SPTAN1: variants seen among roughly 807,000 people sequenced by gnomAD.
The protein encoded by SPTAN1 is spectrin alpha, non-erythrocytic 1.
In SPTAN1, 61 loss-of-function variants were observed where a neutral mutation model predicts 331.3. The observed-to-expected ratio is 0.18, with a 90% CI of 0.15 to 0.23. SPTAN1 has a LOEUF of 0.23. SPTAN1 is among the 10% of genes least tolerant of loss of function. The pLI, the probability that SPTAN1 is intolerant of heterozygous loss-of-function variation, is 1.00. For missense variants in SPTAN1, 2,043 were observed against 3,147.9 expected (o/e 0.65, Z 8.40); for synonymous variants, 1,153 against 1,173.9 (o/e 0.98, Z 0.36).
At chr9:128,587,746 C>T in intron 20 of SPTAN1, 48 bp downstream of exon 20, 1 of 1,521,784 alleles carries the variant, frequency 6.6e-7, no homozygotes, top group Non-Finnish European at 9.1e-7. Context: ...CCTTGAAGGA[C>T]TCAGATACTG....
intron 51 of SPTAN1, chr9:128,628,568 C>G (rs1447913790): frequency 4.8e-6 from 1 of 207,292 alleles, no homozygotes; most frequent in African/African-American, 2.3e-5. Context: ...CCCGCCCAGT[C>G]CCGGCAGGGA....
intron 24 of SPTAN1, among the ~76,000 whole-genome samples, chr9:128,596,829 T>C (rs1854365535): frequency 6.6e-6 from 1 of 152,188 alleles, no homozygotes; most frequent in Admixed American, 6.5e-5. Flanking sequence ...TGGCTGGGAC[T>C]ATGCACATAG....
intron 22 of SPTAN1, among the ~76,000 whole-genome samples, chr9:128,591,970 A>G (rs1383108724): frequency 6.6e-6 from 1 of 152,148 alleles, no homozygotes; most frequent in Admixed American, 6.5e-5. Flanking sequence ...CTGCTTTCAG[A>G]GCTTCTCTGT....
At position 128,630,333 on chromosome 9, in the gene SPTAN1, G is replaced by A. The variant is rs1564325660; in HGVS notation, c.6720G>A (p.Val2240=). ...RTYLLDGSCM[V]EESGTLESQL... is the part of the protein sequence containing the mutation. ...CTTCCACGTTTAGGTCCTGTATGGTGGAAGAGTCGGGGACCCTCGAATCCC... is the reference window on the plus strand; with the variant it reads ...CTTCCACGTTTAGGTCCTGTATGGTAGAAGAGTCGGGGACCCTCGAATCCC... The change falls in exon 52 of 57, where the codon GTG becomes GTA. Residue 2240 remains valine (V), a synonymous_variant. Transcript: ENST00000372739. 5 of 1,613,154 alleles carry A rather than the reference G, an allele frequency of 3.1e-6. No individual in the cohort carries two copies. Among genetic ancestry groups the A allele is most frequent in the Non-Finnish European group, 4.2e-6 (5 of 1,180,010 alleles).
chr9:128,559,492 G>A (rs1849036190), intron 1 of SPTAN1, among the ~76,000 whole-genome samples: 3 of 152,176 alleles, frequency 2.0e-5, no homozygotes, highest in African/African-American at 7.2e-5. Flanking sequence ...CCATACACTC[G>A]AATCCTGGAG....
chr9:128,563,026 A>G (rs1404619869), intron 1 of SPTAN1, among the ~76,000 whole-genome samples: 1 of 141,868 alleles, frequency 7.0e-6, no homozygotes, highest in African/African-American at 2.6e-5. Flanking sequence ...ATATATATAT[A>G]TGTATATATT....
intron 52 of SPTAN1, 153 bp from the exon 53 acceptor site, chr9:128,631,974 C>A (rs1338689207): frequency 5.4e-6 from 4 of 738,070 alleles, no homozygotes; most frequent in African/African-American, 1.8e-5. Flanking sequence ...TCTTCAGCTT[C>A]ACCCCATCCC....
intron 46 of SPTAN1, 156 bp downstream of exon 46, chr9:128,624,643 G>A (rs1177037497): frequency 1.0e-6 from 1 of 975,122 alleles, no homozygotes; most frequent in Non-Finnish European, 1.5e-6. Flanking sequence ...CAGCTAGGAG[G>A]AGACAGTGTC....
chr9:128,584,075 T>A lies in SPTAN1; in HGVS notation c.2193+106T>A, dbSNP rs1852269595. ...AATGAATTTTGGGAGGGATGAAATG[T>A]GTTGATTTTCTTAGATCGCTCTGTG... On this transcript the variant is annotated intron_variant, in intron 16 of 56. Transcript: ENST00000372739. 13 of 1,508,328 alleles carry A rather than the reference T, an allele frequency of 8.6e-6. No homozygotes were observed. The Admixed American group carries it at 2.3e-4, about 27-fold the overall frequency. The allele number at this position is 1,508,328 out of a possible 1,614,324, so 93.4% of individuals were successfully genotyped here.
At chr9:128,633,123 AG>A in intron 56 of SPTAN1, 85 bp from the exon 57 acceptor site, 1 of 1,606,104 alleles carries the variant, frequency 6.2e-7, no homozygotes, top group Non-Finnish European at 8.5e-7. Context: ...AGCAGCTCCG[AG>A]CCCCCAGCAT....
chr9:128,632,516 G>C (rs766064385), intron 54 of SPTAN1, 32 bp downstream of exon 54: 33 of 1,613,986 alleles, frequency 2.0e-5, no homozygotes, highest in Admixed American at 1.0e-4. Context: ...CTGGCTGGGT[G>C]GGGGGTGTTC....
At chr9:128,592,071 C>T (rs905146546) in intron 22 of SPTAN1, among the ~76,000 whole-genome samples, 2 of 152,066 alleles carry the variant, frequency 1.3e-5, no homozygotes, top group African/African-American at 4.8e-5. Flanking sequence ...TGCCCTGTGT[C>T]CCTCCTTTAG....
chr9:128,580,402 A>T (rs900904785), intron 10 of SPTAN1, among the ~76,000 whole-genome samples: 2 of 151,718 alleles, frequency 1.3e-5, no homozygotes, highest in African/African-American at 4.8e-5. Context: ...TCGAGTATAA[A>T]ATTGCCTAGG....
At position 128,607,630 on chromosome 9, in the gene SPTAN1, T is replaced by TAC; in HGVS notation, c.4074_4075dup (p.Arg1359HisfsTer10). ...GACCTCATGTCTTGGATCAATGGAA[T>TAC]ACGGGGGTTGGTGTCCTCAGATGAG... On this transcript the variant is annotated frameshift_variant, in exon 32 of 57. Transcript: ENST00000372739. LOFTEE classifies it high-confidence loss of function. The TAC allele has an allele frequency of 6.2e-7, 1 of 1,614,048 alleles. No homozygotes were observed. The highest frequency in any genetic ancestry group is 8.5e-7 in the Non-Finnish European group (1 of 1,179,988).
At chr9:128,584,178 G>A in intron 16 of SPTAN1, 104 bp from the exon 17 acceptor site, 1 of 1,576,900 alleles carries the variant, frequency 6.3e-7, no homozygotes, top group Admixed American at 1.7e-5. Context: ...GGAGATAGCA[G>A]AAAGAATCCT....
intron 49 of SPTAN1, chr9:128,626,976 G>A (rs571551626): frequency 1.7e-6 from 1 of 594,610 alleles, no homozygotes; most frequent in South Asian, 1.6e-5. Flanking sequence ...CACCACGCCT[G>A]GCTAATTATT....
intron 1 of SPTAN1, chr9:128,555,300 C>G: frequency 8.4e-7 from 1 of 1,195,082 alleles, no homozygotes; most frequent in Non-Finnish European, 1.1e-6. Context: ...GATTTTGTTC[C>G]GTTTGCCCTT....
chr9:128,600,974 C>CT (rs60290370), intron 27 of SPTAN1, among the ~76,000 whole-genome samples: 560 of 40,814 alleles, frequency 0.014, 143 homozygotes, highest in African/African-American at 0.047. Flanking sequence ...GGGAGAAAGT[C>CT]TTTTTTTTTT....
intron 31 of SPTAN1, among the ~76,000 whole-genome samples, chr9:128,606,631 G>A (rs1176566101): frequency 6.6e-6 from 1 of 151,450 alleles, no homozygotes; most frequent in African/African-American, 2.4e-5. Context: ...TCACAGGCAT[G>A]CACCACCAAG....
Sources: allele counts gnomAD v4.1 joint callset (sites outside exome capture counted in the v4.1 genomes callset), GRCh38; gene constraint gnomAD v4.1.1; transcripts MANE v1.5; gene names NCBI Gene and HGNC (gene_info 2026-07-23, HGNC 2026-07-21).